MACROD2: variants seen among roughly 807,000 people sequenced by gnomAD.
The protein encoded by MACROD2 is ADP-ribose glycohydrolase MACROD2.
In MACROD2, 36 loss-of-function variants were observed where a neutral mutation model predicts 70.4. The ratio of observed to expected loss-of-function variants is 0.51; its 90% CI spans 0.39 to 0.68. The LOEUF is 0.68. MACROD2 is among the 30% of genes least tolerant of loss of function. The probability of loss-of-function intolerance (pLI) is 0.00; values close to 1 mark genes in which losing one functional copy is unlikely to be tolerated. For missense variants in MACROD2, 496 were observed against 538.4 expected, an observed-to-expected ratio of 0.92 and a Z score of 0.78; for synonymous variants, 172 against 178.8, an observed-to-expected ratio of 0.96 and a Z score of 0.30.
intron 3 of MACROD2, among the ~76,000 whole-genome samples, chr20:14,093,252 CTT>C (rs546011508): frequency 1.4e-5 from 2 of 145,680 alleles, no homozygotes; most frequent in Admixed American, 6.9e-5. Context: ...GCTAATTAAA[CTT>C]TTTTTTTTTT....
chr20:14,564,730 A>G (rs1398652397), intron 4 of MACROD2, among the ~76,000 whole-genome samples: 3 of 151,956 alleles, frequency 2.0e-5, no homozygotes, highest in Non-Finnish European at 2.9e-5. Context: ...ATTCTTATAC[A>G]CTGTCGGTGG....
chr20:14,949,735 A>G (rs1171017319), intron 5 of MACROD2, among the ~76,000 whole-genome samples: 1 of 152,142 alleles, frequency 6.6e-6, no homozygotes, highest in Non-Finnish European at 1.5e-5. Flanking sequence ...TTGTGCTTCA[A>G]AGATGTTTAT....
chr20:15,206,721 G>GTTTTTTTATTTTTTTTTTTTTTTT (rs2076707308), intron 5 of MACROD2, among the ~76,000 whole-genome samples: 1 of 32,990 alleles, frequency 3.0e-5, no homozygotes, highest in Non-Finnish European at 5.1e-5. Flanking sequence ...TATTATCTAT[G>GTTTTTTTATTTTTTTTTTTTTTTT]TTTTTTTTTT....
At position 14,326,314 on chromosome 20, in the gene MACROD2, T is replaced by C. The variant is rs2082734303; in HGVS notation, c.272-167165T>C. ...GGGACTCCCTGTGGTTTGGTGATCC[T>C]TAGTGAGCTTGGGGTTCTTAATATC... On this transcript the variant is annotated intron_variant, in intron 3 of 17. Coordinates refer to ENST00000684519, the MANE Select transcript of MACROD2 (RefSeq NM_001351661.2). This position sits in a 1 kb window ranked among gnomAD's most constrained non-coding sequence, Gnocchi z 5.5. 1 of 1,613,754 alleles carries C rather than the reference T, an allele frequency of 6.2e-7. No homozygotes were observed. The highest frequency in any genetic ancestry group is 1.3e-5 in the African/African-American group (1 of 74,904).
At chr20:15,220,772 T>G (rs938599919) in intron 5 of MACROD2, among the ~76,000 whole-genome samples, 5 of 151,166 alleles carry the variant, frequency 3.3e-5, no homozygotes, top group African/African-American at 1.2e-4. Context: ...GAGAAAAAAA[T>G]GGGGGGGGCT....
chr20:14,790,621 G>A (rs1262341228), intron 5 of MACROD2, among the ~76,000 whole-genome samples: 5 of 152,058 alleles, frequency 3.3e-5, no homozygotes, highest in Non-Finnish European at 7.4e-5. Flanking sequence ...AATTGTATGT[G>A]TTTTGTGTGC....
At chr20:14,577,607 C>T (rs1464163215) in intron 4 of MACROD2, among the ~76,000 whole-genome samples, 1 of 151,638 alleles carries the variant, frequency 6.6e-6, no homozygotes, top group African/African-American at 2.4e-5. Context: ...GAGTGAGACC[C>T]TATCTCAAAA....
At chr20:14,661,930 T>A (rs1025252174) in intron 4 of MACROD2, among the ~76,000 whole-genome samples, 6 of 152,160 alleles carry the variant, frequency 3.9e-5, no homozygotes, top group Non-Finnish European at 5.9e-5. Context: ...GCAAAGAAGT[T>A]TACAAATCAT....
intron 8 of MACROD2, among the ~76,000 whole-genome samples, chr20:15,558,045 T>C (rs938341925): frequency 6.6e-6 from 1 of 152,206 alleles, no homozygotes; most frequent in Non-Finnish European, 1.5e-5. Context: ...CCCAATTCTA[T>C]GTGGTAAGCA....
chr20:14,554,136 T>G (rs1170901606), intron 4 of MACROD2, among the ~76,000 whole-genome samples: 1 of 152,148 alleles, frequency 6.6e-6, no homozygotes, highest in Non-Finnish European at 1.5e-5. Context: ...TGCCAGTTTT[T>G]CTCTTCATTC....
chr20:15,204,289 G>A (rs902352830), intron 5 of MACROD2, among the ~76,000 whole-genome samples: 2 of 152,086 alleles, frequency 1.3e-5, no homozygotes, highest in Non-Finnish European at 2.9e-5. Flanking sequence ...CTTTAATCGA[G>A]TGCAAGTCAT....
At chr20:15,092,622 G>T (rs2075800867) in intron 5 of MACROD2, among the ~76,000 whole-genome samples, 1 of 151,692 alleles carries the variant, frequency 6.6e-6, no homozygotes, top group Non-Finnish European at 1.5e-5. Context: ...AAAAAGTATT[G>T]TACAAATCCA....
chr20:15,921,548 G>T (rs1055958262), intron 10 of MACROD2, among the ~76,000 whole-genome samples: 1 of 152,150 alleles, frequency 6.6e-6, no homozygotes, highest in Non-Finnish European at 1.5e-5. Context: ...TGCTTCACAA[G>T]TGCCTTAGGC....
At chr20:15,437,664 C>T (rs1291987495) in intron 7 of MACROD2, among the ~76,000 whole-genome samples, 2 of 152,150 alleles carry the variant, frequency 1.3e-5, no homozygotes, top group African/African-American at 2.4e-5. Flanking sequence ...CCTCCACCCT[C>T]GAGTAGACCC....
At chr20:15,914,030 T>C (rs2065274554) in intron 10 of MACROD2, among the ~76,000 whole-genome samples, 1 of 152,210 alleles carries the variant, frequency 6.6e-6, no homozygotes, top group South Asian at 2.1e-4. Flanking sequence ...ATAAATCTCA[T>C]TGTTTAAAGA....
At chr20:15,573,083 AC>A (rs1447024780) in intron 8 of MACROD2, among the ~76,000 whole-genome samples, 1 of 152,098 alleles carries the variant, frequency 6.6e-6, no homozygotes, top group African/African-American at 2.4e-5. Context: ...ACCGTAAGGC[AC>A]ATAAAGAAAT....
chr20:14,568,466 G>T (rs555852156), intron 4 of MACROD2, among the ~76,000 whole-genome samples: 1 of 152,028 alleles, frequency 6.6e-6, no homozygotes, highest in Non-Finnish European at 1.5e-5. Flanking sequence ...TCTATTTGTG[G>T]GTCAATGCAA....
At chr20:14,620,927 T>C (rs1047084477) in intron 4 of MACROD2, among the ~76,000 whole-genome samples, 14 of 152,088 alleles carry the variant, frequency 9.2e-5, no homozygotes, top group African/African-American at 3.4e-4. Context: ...GAGGGTATTA[T>C]TGGCAAGTGG....
At chr20:15,883,818 G>A (rs2064788230) in intron 9 of MACROD2, among the ~76,000 whole-genome samples, 1 of 151,996 alleles carries the variant, frequency 6.6e-6, no homozygotes, top group African/African-American at 2.4e-5. Flanking sequence ...AAAATGAATG[G>A]CATTAAGTGC....
Sources: allele counts gnomAD v4.1 joint callset (sites outside exome capture counted in the v4.1 genomes callset), GRCh38; gene constraint gnomAD v4.1.1; non-coding constraint Gnocchi (gnomAD v3.1); transcripts MANE v1.5; gene names NCBI Gene and HGNC (gene_info 2026-07-23, HGNC 2026-07-21).